SOX5: variants seen among roughly 807,000 people sequenced by gnomAD.
SOX5 encodes the protein transcription factor SOX-5.
Under a neutral mutation model 92.0 loss-of-function variants are expected in SOX5, and 9 were observed. The observed-to-expected ratio is 0.10, with a 90% CI of 0.06 to 0.17. The LOEUF is 0.17. SOX5 is among the 10% of genes least tolerant of loss of function. The pLI is 1.00. For missense variants in SOX5, 642 were observed against 944.5 expected, an observed-to-expected ratio of 0.68 and a Z score of 4.20; for synonymous variants, 344 against 336.3, an observed-to-expected ratio of 1.02 and a Z score of -0.25.
rs1305768908 is a variant in SOX5, at chr12:24,034,837, T to A, written c.-1-138813A>T. On this transcript the variant is annotated intron_variant, in intron 4 of 4. Transcript: ENST00000446891. Reference sequence around the variant, plus strand: ...TTAGAAGGAACTGCGGAAGCAAATGTACTGTATACAATTAGGCTGTCTTGA... The same window carrying A: ...TTAGAAGGAACTGCGGAAGCAAATGAACTGTATACAATTAGGCTGTCTTGA... 2.0e-5 allele frequency among the ~76,000 whole-genome samples: 3 copies of A among 152,230 alleles called. No homozygotes were observed. In the East Asian group the frequency reaches 5.8e-4, roughly 29 times the overall value.
intron 1 of SOX5, among the ~76,000 whole-genome samples, chr12:24,420,754 A>G (rs1965784644): frequency 6.6e-6 from 1 of 152,288 alleles, no homozygotes; most frequent in South Asian, 2.1e-4. Context: ...TAAATTAATG[A>G]ATCTAAGTAG....
rs140977796 is a variant in SOX5, at chr12:24,548,883, G to T, written c.-251+13446C>A. Reference sequence around the variant, plus strand: ...TTTATTGTCCTGAGAAACCTCAATGGGTTCTTCATCACCGTTATTATGAAG... The same window carrying T: ...TTTATTGTCCTGAGAAACCTCAATGTGTTCTTCATCACCGTTATTATGAAG... On this transcript the variant is annotated intron_variant, in intron 1 of 4. Coordinates refer to the SOX5 transcript ENST00000446891. 7.9e-5 allele frequency among the ~76,000 whole-genome samples: 12 copies of T among 152,200 alleles called. No individual in the cohort carries two copies. In the East Asian group the frequency reaches 2.1e-3, roughly 27 times the overall value.
chr12:24,172,084 T>TGTGTGTGTGTGTGCGTGCGCGC (rs2139148206), intron 4 of SOX5, among the ~76,000 whole-genome samples: 2 of 135,168 alleles, frequency 1.5e-5, no homozygotes, highest in African/African-American at 5.2e-5. Flanking sequence ...TGTGCGTGTG[T>TGTGTGTGTGTGTGCGTGCGCGC]GTGTGTGTGC....
intron 1 of SOX5, among the ~76,000 whole-genome samples, chr12:24,522,328 T>G (rs188779703): frequency 4.0e-5 from 6 of 151,880 alleles, no homozygotes; most frequent in Admixed American, 3.3e-4. Context: ...ACTGGTGAAT[T>G]TAAAGGACAT....
At chr12:24,240,053 A>T (rs1337403080) in intron 3 of SOX5, among the ~76,000 whole-genome samples, 1 of 152,190 alleles carries the variant, frequency 6.6e-6, no homozygotes, top group African/African-American at 2.4e-5. Flanking sequence ...AGATCCTTAA[A>T]TGTGACATAC....
chr12:23,834,300 T>C (rs1057054675), intron 3 of SOX5, among the ~76,000 whole-genome samples: 2 of 151,820 alleles, frequency 1.3e-5, no homozygotes, highest in South Asian at 4.1e-4. Context: ...TGAAGAGTGG[T>C]GGAAAATAAA....
chr12:23,860,952 T>TAAAA (rs71059935), intron 2 of SOX5, among the ~76,000 whole-genome samples: 5 of 45,918 alleles, frequency 1.1e-4, no homozygotes, highest in African/African-American at 4.1e-4. Flanking sequence ...GTATATTTTG[T>TAAAA]AAAAAAAAAA....
chr12:23,782,153 G>C (rs1351048392), intron 3 of SOX5, among the ~76,000 whole-genome samples: 1 of 151,952 alleles, frequency 6.6e-6, no homozygotes, highest in African/African-American at 2.4e-5. Flanking sequence ...GAAAGATGTA[G>C]AATAAACAAA....
Position 23,979,696 on chromosome 12 carries a change from ATGTTTTT to A in SOX5, c.-1-83679_-1-83673del, listed in dbSNP as rs1266078419. On this transcript the variant is annotated intron_variant, in intron 4 of 4. Coordinates refer to the SOX5 transcript ENST00000446891. ...CTTTCTTCCTTCCATATATATATAT[ATGTTTTT>A]TTTGTTTTTTTTTTTTTTTTTTTTT... is the stretch of plus-strand genomic sequence containing the variant. Among the ~76,000 whole-genome samples, 166 of 27,392 alleles carry A rather than the reference ATGTTTTT, an allele frequency of 6.1e-3. 2 individuals carry two copies. The highest frequency in any genetic ancestry group is 0.016 in the South Asian group (11 of 688). The allele number at this position is 27,392 out of a possible 152,430, so 18.0% of individuals were successfully genotyped here.
chr12:23,692,500 A>C (rs915154898), intron 6 of SOX5, among the ~76,000 whole-genome samples: 11 of 151,992 alleles, frequency 7.2e-5, no homozygotes, highest in Non-Finnish European at 1.5e-4. Context: ...TAATTACATT[A>C]TTTGCAGTAA....
chr12:24,100,987 A>G (rs1472677176), intron 4 of SOX5, among the ~76,000 whole-genome samples: 2 of 152,074 alleles, frequency 1.3e-5, no homozygotes, highest in African/African-American at 2.4e-5. Flanking sequence ...TCCACAATTT[A>G]TCAATTCTAT....
intron 14 of SOX5, among the ~76,000 whole-genome samples, 191 bp downstream of exon 14, chr12:23,536,262 G>T (rs1326944524): frequency 6.6e-6 from 1 of 152,170 alleles, no homozygotes; most frequent in Non-Finnish European, 1.5e-5. Flanking sequence ...TCATGGTAGA[G>T]CTAGGAACTT....
chr12:24,347,703 C>G (rs1291036142), intron 2 of SOX5, among the ~76,000 whole-genome samples: 3 of 152,190 alleles, frequency 2.0e-5, no homozygotes, highest in Non-Finnish European at 4.4e-5. Flanking sequence ...ACAGCTGCCA[C>G]TTTGACAAAC....
chr12:24,472,515 T>C (rs1944922572), intron 1 of SOX5, among the ~76,000 whole-genome samples: 1 of 152,314 alleles, frequency 6.6e-6, no homozygotes, highest in East Asian at 1.9e-4. Context: ...CCAGATGCTT[T>C]ACTTCAATTT....
chr12:23,611,392 G>A (rs1049168261), intron 8 of SOX5, among the ~76,000 whole-genome samples: 1 of 143,794 alleles, frequency 7.0e-6, no homozygotes, highest in African/African-American at 2.5e-5. Context: ...GTGTGTGTGT[G>A]TGTATTTATA....
intron 1 of SOX5, among the ~76,000 whole-genome samples, chr12:24,398,780 AG>A (rs1960728078): frequency 1.3e-5 from 2 of 152,152 alleles, no homozygotes; most frequent in Admixed American, 1.3e-4. Context: ...AATAACAGGA[AG>A]GGTTTTGCAG....
At chr12:24,157,095 T>C (rs1054533946) in intron 4 of SOX5, among the ~76,000 whole-genome samples, 11 of 152,170 alleles carry the variant, frequency 7.2e-5, no homozygotes, top group Admixed American at 3.3e-4. Flanking sequence ...TTTCTTTCCA[T>C]TTTCATTGTA....
chr12:23,924,860 C>T (rs975655148), intron 1 of SOX5, among the ~76,000 whole-genome samples: 1 of 151,936 alleles, frequency 6.6e-6, no homozygotes, highest in Admixed American at 6.6e-5. Flanking sequence ...GATTAAATCC[C>T]TATCATTTTA....
chr12:23,778,628 A>T (rs1348341970), intron 3 of SOX5, among the ~76,000 whole-genome samples: 1 of 152,192 alleles, frequency 6.6e-6, no homozygotes, highest in African/African-American at 2.4e-5. Context: ...TTAATCAGGA[A>T]ATGTATATAA....
Sources: gnomAD v4.1 joint callset for allele counts (sites outside exome capture counted in the v4.1 genomes callset) on GRCh38, gnomAD v4.1.1 for gene constraint, MANE v1.5 for transcripts, NCBI Gene and HGNC (gene_info 2026-07-23, HGNC 2026-07-21) for gene names.